PCDH9: variants seen among roughly 807,000 people sequenced by gnomAD.
The protein encoded by PCDH9 is protocadherin-9.
In PCDH9, 24 loss-of-function variants were observed where a neutral mutation model predicts 70.6. That is an observed-to-expected ratio of 0.34 (90% confidence interval 0.25 to 0.48). The LOEUF (loss-of-function observed/expected upper bound fraction) is 0.48, where lower values mean the gene tolerates loss of function less well. PCDH9 is among the 20% of genes least tolerant of loss of function. The pLI, the probability that PCDH9 is intolerant of heterozygous loss-of-function variation, is 0.99. For missense variants in PCDH9, 1,281 were observed against 1,503.6 expected (o/e 0.85, Z 2.45); for synonymous variants, 562 against 558.5 (o/e 1.01, Z -0.09).
At chr13:66,481,670 C>T (rs1188329657) in intron 4 of PCDH9, among the ~76,000 whole-genome samples, 1 of 152,156 alleles carries the variant, frequency 6.6e-6, no homozygotes, top group Non-Finnish European at 1.5e-5. Flanking sequence ...TATGTACTGT[C>T]ATTTAAAACA....
chr13:66,941,036 T>C (rs565579102), intron 2 of PCDH9, among the ~76,000 whole-genome samples: 2 of 152,016 alleles, frequency 1.3e-5, no homozygotes, highest in African/African-American at 4.8e-5. Context: ...AGGCATACTG[T>C]AATTACCAGT....
chr13:67,146,838 A>AT (rs994456710), intron 2 of PCDH9, among the ~76,000 whole-genome samples: 3 of 152,034 alleles, frequency 2.0e-5, no homozygotes, highest in Admixed American at 6.6e-5. Context: ...GAGTTGTTTT[A>AT]TTTTTTTCTG....
chr13:66,363,653 A>G lies in PCDH9; in HGVS notation c.3341-58625T>C, dbSNP rs180898118. ...ACTCCACAGAAAATTCTATAACCAAAATATGTAAAATCCAGATGGCAGAGA... is the reference window on the plus strand; with the variant it reads ...ACTCCACAGAAAATTCTATAACCAAGATATGTAAAATCCAGATGGCAGAGA... On this transcript the variant is annotated intron_variant, in intron 4 of 4. Coordinates refer to ENST00000377865, the MANE Select transcript of PCDH9 (RefSeq NM_203487.3). Among the ~76,000 whole-genome samples, 633 of 152,326 alleles carry G rather than the reference A, an allele frequency of 4.2e-3. 2 individuals are homozygous for G. Among genetic ancestry groups the G allele is most frequent in the African/African-American group, 0.014 (601 of 41,574 alleles).
At chr13:66,416,319 G>GAA (rs58442059) in intron 4 of PCDH9, among the ~76,000 whole-genome samples, 82 of 138,904 alleles carry the variant, frequency 5.9e-4, no homozygotes, top group South Asian at 2.2e-3. Context: ...GAAGCTTACA[G>GAA]AAAAAAAAAA....
At position 66,814,656 on chromosome 13, in the gene PCDH9, A is replaced by C. The variant is rs995907859; in HGVS notation, c.3138+88848T>G. Among the ~76,000 whole-genome samples the C allele has an allele frequency of 3.3e-5, 5 of 152,080 alleles. 1 individual carries two copies. Among genetic ancestry groups the C allele is most frequent in the African/African-American group, 1.2e-4 (5 of 41,440 alleles). On this transcript the variant is annotated intron_variant, in intron 3 of 4. Transcript: ENST00000377865. The stretch of plus-strand genomic sequence containing the variant: ...CTAATAAAATATCCGGCTTCCAATG[A>C]GGAAAGGACTTCTCATTCGATAAAT...
intron 2 of PCDH9, among the ~76,000 whole-genome samples, chr13:66,991,329 G>A (rs74096719): frequency 0.057 from 8,668 of 151,868 alleles, 522 homozygotes; most frequent in African/African-American, 0.15. Context: ...GCTAGTGGAC[G>A]TTATAAAGTA....
At chr13:66,806,961 C>T (rs2080420528) in intron 3 of PCDH9, among the ~76,000 whole-genome samples, 1 of 152,106 alleles carries the variant, frequency 6.6e-6, no homozygotes, top group Non-Finnish European at 1.5e-5. Context: ...CCTTCTACCC[C>T]TATTATGTAA....
At chr13:66,920,434 T>G (rs1273596471) in intron 2 of PCDH9, among the ~76,000 whole-genome samples, 1 of 151,178 alleles carries the variant, frequency 6.6e-6, no homozygotes, top group Non-Finnish European at 1.5e-5. Flanking sequence ...GTATTTTGCA[T>G]GTCCCTAAAC....
chr13:67,183,014 AT>A (rs1412746094), intron 2 of PCDH9, among the ~76,000 whole-genome samples: 1 of 152,190 alleles, frequency 6.6e-6, no homozygotes, highest in Non-Finnish European at 1.5e-5. Flanking sequence ...GGAAGGAATA[AT>A]TGTAATTAAT....
chr13:67,039,228 C>T (rs916234611), intron 2 of PCDH9, among the ~76,000 whole-genome samples: 1 of 152,078 alleles, frequency 6.6e-6, no homozygotes, highest in Non-Finnish European at 1.5e-5. Context: ...TTTCCGTGGA[C>T]CCCCAGATTG....
chr13:67,001,368 G>A (rs749660328), intron 2 of PCDH9, among the ~76,000 whole-genome samples: 1 of 151,656 alleles, frequency 6.6e-6, no homozygotes, highest in Non-Finnish European at 1.5e-5. Context: ...TGATGTCACC[G>A]GTTGTAAAGG....
chr13:66,363,913 G>A (rs1386243868), intron 4 of PCDH9, among the ~76,000 whole-genome samples: 2 of 152,110 alleles, frequency 1.3e-5, no homozygotes, highest in African/African-American at 4.8e-5. Context: ...CCAACACTTT[G>A]GGAGGCCGAG....
intron 2 of PCDH9, among the ~76,000 whole-genome samples, chr13:67,111,384 CACAA>C (rs144135188): frequency 0.024 from 3,584 of 152,182 alleles, 114 homozygotes; most frequent in South Asian, 0.069. Context: ...TACACAAACA[CACAA>C]ACAAACATAC....
chr13:66,437,305 G>A (rs1957886508), intron 4 of PCDH9, among the ~76,000 whole-genome samples: 1 of 149,352 alleles, frequency 6.7e-6, no homozygotes, highest in Non-Finnish European at 1.5e-5. Flanking sequence ...TACTCAGGAG[G>A]CTGAGGCAGG....
chr13:66,374,144 C>A (rs1956706946), intron 4 of PCDH9, among the ~76,000 whole-genome samples: 1 of 151,986 alleles, frequency 6.6e-6, no homozygotes, highest in Non-Finnish European at 1.5e-5. Flanking sequence ...ATGCTGAGAA[C>A]AAAGGAGATA....
intron 2 of PCDH9, among the ~76,000 whole-genome samples, chr13:67,081,394 CT>C (rs1302553246): frequency 6.6e-6 from 1 of 152,140 alleles, no homozygotes; most frequent in Non-Finnish European, 1.5e-5. Flanking sequence ...CATGGTGAAA[CT>C]CCATCCCTAC....
At chr13:66,941,459 C>T (rs2083005268) in intron 2 of PCDH9, among the ~76,000 whole-genome samples, 1 of 151,556 alleles carries the variant, frequency 6.6e-6, no homozygotes, top group Non-Finnish European at 1.5e-5. Flanking sequence ...AAGGCAGAGA[C>T]ATCCATAATG....
intron 4 of PCDH9, among the ~76,000 whole-genome samples, chr13:66,483,217 T>A (rs146867313): frequency 2.0e-5 from 3 of 152,238 alleles, no homozygotes; most frequent in Non-Finnish European, 2.9e-5. Flanking sequence ...TTTCTCTGAT[T>A]AGAGAAATTA....
At chr13:67,076,210 A>G (rs747943996) in intron 2 of PCDH9, among the ~76,000 whole-genome samples, 1 of 152,168 alleles carries the variant, frequency 6.6e-6, no homozygotes, top group Non-Finnish European at 1.5e-5. Flanking sequence ...TATTTCAGTT[A>G]CAGATCTCTT....
Sources: allele counts gnomAD v4.1 joint callset (sites outside exome capture counted in the v4.1 genomes callset), GRCh38; gene constraint gnomAD v4.1.1; transcripts MANE v1.5; gene names NCBI Gene and HGNC (gene_info 2026-07-23, HGNC 2026-07-21).